CAPZA2: variants seen among roughly 807,000 people sequenced by gnomAD.
CAPZA2 encodes the protein capping actin protein of muscle Z-line subunit alpha 2.
CAPZA2 carries 13 observed loss-of-function variants against 44.0 expected under a neutral mutation model. The ratio of observed to expected loss-of-function variants is 0.30; its 90% confidence interval spans 0.19 to 0.47. The LOEUF (loss-of-function observed/expected upper bound fraction) is 0.47. CAPZA2 is among the 20% of genes least tolerant of loss of function. CAPZA2 has a pLI of 1.00. For missense variants in CAPZA2, 244 were observed against 338.6 expected, an observed-to-expected ratio of 0.72 and a Z score of 2.19; for synonymous variants, 94 against 108.2, an observed-to-expected ratio of 0.87 and a Z score of 0.81.
chr7:116,908,609 A>G (rs1424082115), intron 6 of CAPZA2, among the ~76,000 whole-genome samples: 3 of 152,160 alleles, frequency 2.0e-5, no homozygotes, highest in Non-Finnish European at 2.9e-5. Context: ...TAGTTCTCAA[A>G]TTGGTACCAC....
At chr7:116,890,528 ATATATAT>A (rs1796822644) in intron 2 of CAPZA2, among the ~76,000 whole-genome samples, 2 of 6,672 alleles carry the variant, frequency 3.0e-4, no homozygotes, top group African/African-American at 1.3e-3. Context: ...AAAAAAAAAT[ATATATAT>A]ATATATATAT....
chr7:116,890,777 C>CA (rs576504004), intron 2 of CAPZA2, among the ~76,000 whole-genome samples: 22,149 of 53,474 alleles, frequency 0.41, 6,222 homozygotes, highest in Middle Eastern at 0.55. Context: ...GACTCTGTCT[C>CA]AAAAAAAAAA....
At chr7:116,899,869 G>A (rs1220849953) in intron 4 of CAPZA2, among the ~76,000 whole-genome samples, 5 of 149,798 alleles carry the variant, frequency 3.3e-5, no homozygotes, top group Admixed American at 3.3e-4. Context: ...AAACAAAAAA[G>A]GTAAACAGTA....
At chr7:116,914,513 A>G (rs551758126) in intron 8 of CAPZA2, among the ~76,000 whole-genome samples, 8 of 151,968 alleles carry the variant, frequency 5.3e-5, no homozygotes, top group African/African-American at 1.4e-4. Flanking sequence ...CCCAGGTTAC[A>G]GTGCAGTGTG....
At chr7:116,892,511 G>GAGCTC (rs1174864867) in intron 2 of CAPZA2, among the ~76,000 whole-genome samples, 1 of 151,880 alleles carries the variant, frequency 6.6e-6, no homozygotes, top group Non-Finnish European at 1.5e-5. Flanking sequence ...ATTTCCAGTG[G>GAGCTC]AGCTCATCTC....
chr7:116,897,327 G>A (rs1585010219), intron 3 of CAPZA2, among the ~76,000 whole-genome samples: 1 of 152,186 alleles, frequency 6.6e-6, no homozygotes, highest in Non-Finnish European at 1.5e-5. Flanking sequence ...TTAGGAAAAT[G>A]AGAAGTGAAT....
intron 1 of CAPZA2, among the ~76,000 whole-genome samples, chr7:116,887,264 C>T (rs945969665): frequency 3.3e-5 from 5 of 152,094 alleles, no homozygotes; most frequent in Non-Finnish European, 7.3e-5. Flanking sequence ...TACTGGCTCA[C>T]GCCTGTAATC....
intron 1 of CAPZA2, among the ~76,000 whole-genome samples, chr7:116,865,813 T>TCAAACG (rs1796475315): frequency 6.6e-6 from 1 of 152,110 alleles, no homozygotes; most frequent in Non-Finnish European, 1.5e-5. Flanking sequence ...CACTCCTGGC[T>TCAAACG]CAAACGATCC....
chr7:116,895,918 C>T (rs1316086207), intron 3 of CAPZA2, among the ~76,000 whole-genome samples: 3 of 151,936 alleles, frequency 2.0e-5, no homozygotes, highest in Non-Finnish European at 4.4e-5. Flanking sequence ...TACTTTTGTC[C>T]TCAAAAGATA....
At chr7:116,879,719 C>T (rs184940097) in intron 1 of CAPZA2, among the ~76,000 whole-genome samples, 8 of 152,186 alleles carry the variant, frequency 5.3e-5, no homozygotes, top group Admixed American at 2.0e-4. Context: ...CTAACAGGCC[C>T]CAGACTGGTA....
At chr7:116,880,571 T>C (rs1796679976) in intron 1 of CAPZA2, among the ~76,000 whole-genome samples, 2 of 151,758 alleles carry the variant, frequency 1.3e-5, no homozygotes, top group South Asian at 4.2e-4. Context: ...CTAATTTTTG[T>C]ATTTTAGTAG....
At chr7:116,897,847 C>A (rs1796947811) in intron 3 of CAPZA2, among the ~76,000 whole-genome samples, 1 of 152,024 alleles carries the variant, frequency 6.6e-6, no homozygotes, top group Non-Finnish European at 1.5e-5. Context: ...TTAGCAACTG[C>A]CTAACTGCTT....
At chr7:116,904,480 A>G in intron 5 of CAPZA2, 97 bp downstream of exon 5, 1 of 717,140 alleles carries the variant, frequency 1.4e-6, no homozygotes, top group Admixed American at 2.6e-5. Context: ...TTGACATTGT[A>G]TAATTTGTCA....
intron 6 of CAPZA2, 117 bp downstream of exon 6, chr7:116,906,459 G>A: frequency 7.0e-7 from 1 of 1,421,174 alleles, no homozygotes. Context: ...ATTTAGAGAT[G>A]GTATAAAATT....
At chr7:116,892,007 T>G (rs1349277274) in intron 2 of CAPZA2, among the ~76,000 whole-genome samples, 1 of 152,216 alleles carries the variant, frequency 6.6e-6, no homozygotes, top group Non-Finnish European at 1.5e-5. Context: ...ATGAATTACT[T>G]CAAACATCTC....
At chr7:116,901,257 T>C (rs1015304366) in intron 4 of CAPZA2, among the ~76,000 whole-genome samples, 1 of 152,100 alleles carries the variant, frequency 6.6e-6, no homozygotes, top group Non-Finnish European at 1.5e-5. Flanking sequence ...GGAATCAATC[T>C]AAATATCAGT....
intron 1 of CAPZA2, among the ~76,000 whole-genome samples, chr7:116,881,793 C>G (rs1466772019): frequency 6.6e-6 from 1 of 151,810 alleles, no homozygotes; most frequent in African/African-American, 2.4e-5. Flanking sequence ...TCCCCTCCAC[C>G]CCCGCCCTGG....
intron 1 of CAPZA2, chr7:116,880,038 C>T (rs1048743470): frequency 3.2e-5 from 15 of 461,780 alleles, no homozygotes; most frequent in Admixed American, 5.0e-5. Context: ...CAGTTTCTCC[C>T]GCTCTGATTG....
chr7:116,898,815 A>G lies in CAPZA2; in HGVS notation c.199A>G (p.Ile67Val). 1 of 1,596,874 alleles carries G rather than the reference A, an allele frequency of 6.3e-7. No homozygotes were observed. Among genetic ancestry groups the G allele is most frequent in the Non-Finnish European group, 8.6e-7 (1 of 1,167,234 alleles). Reference protein sequence around the residue: ...YNLDQFTPVKIEGYEDQVLIT... With the variant: ...YNLDQFTPVKVEGYEDQVLIT... ...CTTGGACCAGTTTACTCCAGTAAAAATTGAAGGTTATGAAGATCAGGTATG... is the reference window on the plus strand; with the variant it reads ...CTTGGACCAGTTTACTCCAGTAAAAGTTGAAGGTTATGAAGATCAGGTATG... The change falls in exon 4 of 10, where the codon ATT becomes GTT. Residue 67 changes from isoleucine (I) to valine (V), a missense_variant. Coordinates refer to ENST00000361183, the MANE Select transcript of CAPZA2 (RefSeq NM_006136.3).
Sources: allele counts gnomAD v4.1 joint callset (sites outside exome capture counted in the v4.1 genomes callset), GRCh38; gene constraint gnomAD v4.1.1; transcripts MANE v1.5; gene names NCBI Gene and HGNC (gene_info 2026-07-23, HGNC 2026-07-21).